Variants in PCDHGB2 observed in about 807,000 individuals in gnomAD.
PCDHGB2 encodes protocadherin gamma-B2.
PCDHGB2 carries 55 observed loss-of-function variants against 59.3 expected under a neutral mutation model. The ratio of observed to expected loss-of-function variants is 0.93; its 90% CI spans 0.75 to 1.16. PCDHGB2 has a LOEUF of 1.16. Ranked by LOEUF, PCDHGB2 falls within the 50% of genes most tolerant of loss-of-function variation. The pLI is 0.00. For missense variants in PCDHGB2, 1,228 were observed against 1,198.5 expected (o/e 1.02, Z -0.36); for synonymous variants, 516 against 512.0 (o/e 1.01, Z -0.11).
chr5:141,421,953 G>A lies in PCDHGB2; in HGVS notation c.2421+59397G>A, dbSNP rs193141134. On this transcript the variant is annotated intron_variant, in intron 1 of 3. Coordinates refer to ENST00000522605, the MANE Select transcript of PCDHGB2 (RefSeq NM_018923.3). ...TCGATGTAAATGATCACATCCCAATGTTTACACAGTCCGTATATCGCGTGA... is the reference window on the plus strand; with the variant it reads ...TCGATGTAAATGATCACATCCCAATATTTACACAGTCCGTATATCGCGTGA... 1.8e-4 allele frequency: 295 copies of A among 1,612,962 alleles called. 5 individuals are homozygous for A. In the East Asian group the frequency reaches 4.0e-3, roughly 22 times the overall value.
At chr5:141,393,857 C>A (rs753457502) in intron 1 of PCDHGB2, 3 of 1,613,860 alleles carry the variant, frequency 1.9e-6, no homozygotes, top group Non-Finnish European at 2.5e-6. Flanking sequence ...CAGAAGTGAT[C>A]ATTACGTCTT....
At chr5:141,456,821 A>G (rs1432134342) in intron 1 of PCDHGB2, among the ~76,000 whole-genome samples, 2 of 151,744 alleles carry the variant, frequency 1.3e-5, no homozygotes, top group Admixed American at 6.6e-5. Context: ...AAAATTAGCC[A>G]TCGTGGTAGT....
chr5:141,466,812 G>A (rs1394979761), intron 1 of PCDHGB2, among the ~76,000 whole-genome samples: 3 of 151,940 alleles, frequency 2.0e-5, no homozygotes, highest in Non-Finnish European at 4.4e-5. Flanking sequence ...ATTCAGACAT[G>A]GTATAACAAG....
intron 1 of PCDHGB2, among the ~76,000 whole-genome samples, chr5:141,380,623 C>T (rs1249230107): frequency 6.6e-6 from 1 of 152,204 alleles, no homozygotes; most frequent in Non-Finnish European, 1.5e-5. Flanking sequence ...TGTTCGATAA[C>T]TTAGAAAATG....
At chr5:141,459,814 T>A (rs757306281) in intron 1 of PCDHGB2, among the ~76,000 whole-genome samples, 2 of 152,256 alleles carry the variant, frequency 1.3e-5, no homozygotes, top group African/African-American at 4.8e-5. Context: ...CTAGAGACAC[T>A]GAGCAACTTT....
chr5:141,382,072 G>T (rs901840757), intron 1 of PCDHGB2, among the ~76,000 whole-genome samples: 2 of 151,786 alleles, frequency 1.3e-5, no homozygotes, highest in Non-Finnish European at 2.9e-5. Context: ...CAGGTGATCC[G>T]CCCGCCTCGG....
At chr5:141,398,633 A>C (rs749131705) in intron 1 of PCDHGB2, 4 of 1,613,946 alleles carry the variant, frequency 2.5e-6, no homozygotes, top group Non-Finnish European at 3.4e-6. Flanking sequence ...TCTCTGCAGA[A>C]GTATAAACTC....
Position 141,375,159 on chromosome 5 carries a change from G to A in PCDHGB2, c.2421+12603G>A, listed in dbSNP as rs1771191060. 2.5e-6 allele frequency: 4 copies of A among 1,613,862 alleles called. No individual in the cohort carries two copies. The East Asian group carries it at 8.9e-5, about 36-fold the overall frequency. ...TCTGGAAGCAGAACAATTGCTGAAA[G>A]TGCACCTCCAGGAACAGTAATCGCC... On this transcript the variant is annotated intron_variant, in intron 1 of 3. Coordinates refer to ENST00000522605, the MANE Select transcript of PCDHGB2 (RefSeq NM_018923.3).
chr5:141,478,532 G>T, intron 1 of PCDHGB2: 1 of 1,607,858 alleles, frequency 6.2e-7, no homozygotes, highest in East Asian at 2.2e-5. Flanking sequence ...TGCAGAGAGC[G>T]CCCCTCCCGG....
At chr5:141,400,830 T>G (rs1194053653) in intron 1 of PCDHGB2, among the ~76,000 whole-genome samples, 2 of 152,244 alleles carry the variant, frequency 1.3e-5, no homozygotes, top group African/African-American at 2.4e-5. Flanking sequence ...GTTGTCTCAT[T>G]CTTTAACATG....
intron 1 of PCDHGB2, chr5:141,433,063 G>T (rs1411651811): frequency 3.1e-6 from 5 of 1,614,176 alleles, no homozygotes; most frequent in Non-Finnish European, 4.2e-6. Flanking sequence ...AGAGTCACCT[G>T]ATCTTCCCCC....
intron 1 of PCDHGB2, among the ~76,000 whole-genome samples, chr5:141,456,854 T>C (rs924765803): frequency 7.2e-5 from 11 of 151,950 alleles, no homozygotes; most frequent in Non-Finnish European, 1.3e-4. Context: ...TCCCAGCTAA[T>C]TGGGAGGCTG....
At chr5:141,392,871 C>T (rs2092620267) in intron 1 of PCDHGB2, 2 of 1,613,280 alleles carry the variant, frequency 1.2e-6, no homozygotes, top group Admixed American at 1.7e-5. Flanking sequence ...GTGCGCGCTG[C>T]TGGGAACGCT....
Position 141,478,507 on chromosome 5 carries a change from T to C in PCDHGB2, c.2422-16300T>C, listed in dbSNP as rs781120326. The C allele has an allele frequency of 4.3e-6, 7 of 1,612,048 alleles. No homozygotes were observed. In the East Asian group the frequency reaches 1.3e-4, roughly 31 times the overall value. On this transcript the variant is annotated intron_variant, in intron 1 of 3. Transcript: ENST00000522605. The stretch of plus-strand genomic sequence containing the variant: ...TGCGGAGCTGTGATCCGGTGTTCTA[T>C]AGGCAGGTGTTGGGTGCAGAGAGCG...
At chr5:141,378,836 C>T (rs912790603) in intron 1 of PCDHGB2, 1 of 152,138 alleles carries the variant, frequency 6.6e-6, no homozygotes, top group African/African-American at 2.4e-5. Flanking sequence ...CAGAAAACAG[C>T]AGAGTTTTTG....
intron 1 of PCDHGB2, among the ~76,000 whole-genome samples, chr5:141,406,975 C>A (rs1434644612): frequency 6.6e-6 from 1 of 152,108 alleles, no homozygotes; most frequent in African/African-American, 2.4e-5. Flanking sequence ...TAGTAAATAA[C>A]ATTTCACAAG....
At position 141,360,202 on chromosome 5, in the gene PCDHGB2, T is replaced by C. The variant is rs779702690; in HGVS notation, c.67T>C (p.Ser23Pro). The change falls in exon 1 of 4, where the codon TCT becomes CCT. Residue 23 changes from serine (S) to proline (P), a missense_variant. Coordinates refer to ENST00000522605, the MANE Select transcript of PCDHGB2 (RefSeq NM_018923.3). Reference sequence around the variant, plus strand: ...GCAGGTACTGTTGCCCTTCCTGTTGTCTTTGTTCCCCGGGGCTCTCCCAGT... The same window carrying C: ...GCAGGTACTGTTGCCCTTCCTGTTGCCTTTGTTCCCCGGGGCTCTCCCAGT... Reference protein sequence around the residue: ...WLQVLLPFLLSLFPGALPVQI... With the variant: ...WLQVLLPFLLPLFPGALPVQI... 1.2e-6 allele frequency: 2 copies of C among 1,612,846 alleles called. No individual in the cohort carries two copies. Among genetic ancestry groups the C allele is most frequent in the Non-Finnish European group, 1.7e-6 (2 of 1,179,346 alleles).
At chr5:141,384,531 C>T (rs762355289) in intron 1 of PCDHGB2, 11 of 1,614,116 alleles carry the variant, frequency 6.8e-6, no homozygotes, top group African/African-American at 2.7e-5. Context: ...CTCTCAGCAG[C>T]AACATGTCAC....
intron 1 of PCDHGB2, chr5:141,417,908 C>G (rs1255727429): frequency 6.3e-7 from 1 of 1,597,500 alleles, no homozygotes; most frequent in Non-Finnish European, 8.5e-7. Context: ...GCGGCAGGTA[C>G]TATTTCCTTT....
Sources: gnomAD v4.1 joint callset for allele counts (sites outside exome capture counted in the v4.1 genomes callset) on GRCh38, gnomAD v4.1.1 for gene constraint, MANE v1.5 for transcripts, NCBI Gene and HGNC (gene_info 2026-07-23, HGNC 2026-07-21) for gene names.